ANKIB1: variants seen among roughly 807,000 people sequenced by gnomAD.
ANKIB1 encodes ankyrin repeat and IBR domain containing 1.
ANKIB1 carries 43 observed loss-of-function variants against 122.1 expected under a neutral mutation model. That is an observed-to-expected ratio of 0.35 (90% CI 0.28 to 0.45). ANKIB1 has a LOEUF of 0.45. Ranked by LOEUF, ANKIB1 falls within the 20% of genes least tolerant of loss-of-function variation. The pLI is 1.00. For synonymous variants in ANKIB1, 390 were observed against 442.0 expected, an observed-to-expected ratio of 0.88 and a Z score of 1.48; for missense variants, 992 against 1,329.5, an observed-to-expected ratio of 0.75 and a Z score of 3.95.
rs770526763 is a variant in ANKIB1, at chr7:92,319,283, C to T, written c.487-47C>T. The stretch of plus-strand genomic sequence containing the variant: ...ATGTTTTAAAAATAGCATGAAATAA[C>T]TTATTTGAACCTGTAGTTGCAAGTT... On this transcript the variant is annotated intron_variant, in intron 3 of 19. Transcript: ENST00000265742. 56 of 1,188,434 alleles carry T rather than the reference C, an allele frequency of 4.7e-5. No homozygotes were observed. The South Asian group carries it at 8.0e-4, about 17-fold the overall frequency. 73.6% of individuals were successfully genotyped at this position (1,188,434 alleles called of 1,614,324 possible).
chr7:92,253,119 G>A (rs1274599254), intron 1 of ANKIB1, among the ~76,000 whole-genome samples: 1 of 152,178 alleles, frequency 6.6e-6, no homozygotes, highest in African/African-American at 2.4e-5. Flanking sequence ...ACATATTACA[G>A]AATCATAAAG....
chr7:92,287,896 C>T (rs546089363), intron 1 of ANKIB1, among the ~76,000 whole-genome samples: 78 of 151,992 alleles, frequency 5.1e-4, no homozygotes, highest in Non-Finnish European at 8.4e-4. Context: ...ATTAGCCAGG[C>T]ATGGCGGCGT....
intron 17 of ANKIB1, among the ~76,000 whole-genome samples, chr7:92,393,203 TC>T (rs1420944654): frequency 6.6e-6 from 1 of 152,114 alleles, no homozygotes; most frequent in Non-Finnish European, 1.5e-5. Flanking sequence ...TCAGATACTT[TC>T]TCTTTTCAGC....
rs1340410534 is a variant in ANKIB1 at position 92,301,892 on chromosome 7, T to C, written c.189-5467T>C. Among the ~76,000 whole-genome samples, 4 of 152,166 alleles carry C rather than the reference T, an allele frequency of 2.6e-5. No individual in the cohort carries two copies. The East Asian group carries it at 7.7e-4, about 29-fold the overall frequency. On this transcript the variant is annotated intron_variant, in intron 2 of 19. Coordinates refer to ENST00000265742, the MANE Select transcript of ANKIB1 (RefSeq NM_019004.2). ...CTGCCTCATATAATCTGGGATGCCT[T>C]TCTGAGACTTCATTGTAGACTGTAG... is the stretch of plus-strand genomic sequence containing the variant.
rs574308134 is a variant in ANKIB1 at position 92,248,571 on chromosome 7, G to C, written c.-91+2052G>C. Among the ~76,000 whole-genome samples the C allele has an allele frequency of 3.9e-5, 6 of 152,310 alleles. No individual in the cohort carries two copies. The South Asian group carries it at 1.2e-3, about 32-fold the overall frequency. The stretch of plus-strand genomic sequence containing the variant: ...ATGTCCTTGAAATGAAGTTGGAAAA[G>C]ATTCCTCAGTGCTTTGGGTAATTTT... On this transcript the variant is annotated intron_variant, in intron 1 of 19. Coordinates refer to ENST00000265742, the MANE Select transcript of ANKIB1 (RefSeq NM_019004.2).
chr7:92,370,890 T>C (rs1031173014), intron 10 of ANKIB1, among the ~76,000 whole-genome samples: 1 of 152,182 alleles, frequency 6.6e-6, no homozygotes, highest in Non-Finnish European at 1.5e-5. Context: ...GACCCTAGCT[T>C]AAAGCAATAA....
intron 7 of ANKIB1, among the ~76,000 whole-genome samples, chr7:92,345,701 A>G (rs1430863637): frequency 6.6e-6 from 1 of 152,196 alleles, no homozygotes; most frequent in African/African-American, 2.4e-5. Flanking sequence ...CTGTAATGTC[A>G]TGTTATCTCT....
At chr7:92,285,161 G>A (rs1248921721) in intron 1 of ANKIB1, among the ~76,000 whole-genome samples, 3 of 152,090 alleles carry the variant, frequency 2.0e-5, no homozygotes, top group East Asian at 1.9e-4. Flanking sequence ...TCTGCCTTCC[G>A]GGTTCAAGCG....
At chr7:92,301,199 A>T (rs1052822665) in intron 2 of ANKIB1, among the ~76,000 whole-genome samples, 1 of 152,100 alleles carries the variant, frequency 6.6e-6, no homozygotes, top group African/African-American at 2.4e-5. Flanking sequence ...ATTTCCTTGG[A>T]TGTATACCCA....
chr7:92,264,255 T>A (rs993381222), intron 1 of ANKIB1, among the ~76,000 whole-genome samples: 1 of 151,780 alleles, frequency 6.6e-6, no homozygotes, highest in Non-Finnish European at 1.5e-5. Context: ...GTTACATGTT[T>A]AAAAAAATAA....
chr7:92,270,256 T>G (rs1801759989), intron 1 of ANKIB1, among the ~76,000 whole-genome samples: 1 of 152,044 alleles, frequency 6.6e-6, no homozygotes, highest in South Asian at 2.1e-4. Flanking sequence ...AGAGACAGGA[T>G]CTTGCTATGC....
rs1340901503 is a variant in ANKIB1, at chr7:92,246,036, GC to G, written c.-573del. The G allele has an allele frequency of 3.7e-6, 1 of 266,750 alleles. No homozygotes were observed. The highest frequency in any genetic ancestry group is 7.3e-6 in the Non-Finnish European group (1 of 136,700). 16.5% of individuals were successfully genotyped at this position (266,750 alleles called of 1,614,324 possible). The stretch of plus-strand genomic sequence containing the variant: ...TCACTGGACCTGCAGTCTCTCAGGG[GC>G]TGGTGGCAGGCGACTAGGAGACTAG... On this transcript the variant is annotated 5_prime_UTR_variant, in exon 1 of 20. Transcript: ENST00000265742.
chr7:92,397,984 T>C (rs1804936227), intron 19 of ANKIB1, 125 bp downstream of exon 19: 1 of 1,353,782 alleles, frequency 7.4e-7, no homozygotes, highest in South Asian at 1.4e-5. Context: ...GTTTTAAAGA[T>C]GTGCTGCAGG....
intron 9 of ANKIB1, among the ~76,000 whole-genome samples, chr7:92,359,001 G>A (rs1287446450): frequency 6.6e-6 from 1 of 152,100 alleles, no homozygotes; most frequent in Non-Finnish European, 1.5e-5. Flanking sequence ...AAAATTAACA[G>A]TTATCACAGG....
chr7:92,288,476 A>C lies in ANKIB1; in HGVS notation c.-90-6413A>C, dbSNP rs575604693. Among the ~76,000 whole-genome samples the C allele has an allele frequency of 2.6e-5, 4 of 152,338 alleles. No individual in the cohort carries two copies. The South Asian group carries it at 6.2e-4, about 24-fold the overall frequency. ...AGAGAGACACACAGAAAAATAGAAC[A>C]CAGTCAATTGGCTTTTTACAAAGAT... On this transcript the variant is annotated intron_variant, in intron 1 of 19. Transcript: ENST00000265742.
intron 10 of ANKIB1, among the ~76,000 whole-genome samples, chr7:92,367,783 G>T (rs75670577): frequency 1.3e-5 from 2 of 152,250 alleles, no homozygotes; most frequent in East Asian, 1.9e-4. Flanking sequence ...ATGAAATGAT[G>T]GTTAATTTAT....
intron 9 of ANKIB1, among the ~76,000 whole-genome samples, chr7:92,360,288 T>C (rs1043455065): frequency 6.6e-6 from 1 of 152,222 alleles, no homozygotes; most frequent in African/African-American, 2.4e-5. Context: ...AATTTGCCTA[T>C]TCTAAATATT....
At position 92,397,709 on chromosome 7, in the gene ANKIB1, T is replaced by C. The variant is rs1286265459; in HGVS notation, c.2396-14T>C. ...GTCACTAAATTGTCTTTGGTACCAA[T>C]TGCTTTGAAACAGATATTCCAGAAG... is the stretch of plus-strand genomic sequence containing the variant. On this transcript the variant is annotated splice_polypyrimidine_tract_variant and intron_variant, in intron 18 of 19. Transcript: ENST00000265742. The C allele has an allele frequency of 1.2e-6, 2 of 1,608,998 alleles. No individual in the cohort carries two copies. Among genetic ancestry groups the C allele is most frequent in the African/African-American group, 2.7e-5 (2 of 74,548 alleles).
rs1262247901 is a variant in ANKIB1 at position 92,307,562 on chromosome 7, G to A, written c.392G>A (p.Gly131Asp). The A allele has an allele frequency of 6.2e-7, 1 of 1,613,582 alleles. No homozygotes were observed. Among genetic ancestry groups the A allele is most frequent in the Non-Finnish European group, 8.5e-7 (1 of 1,179,874 alleles). Reference sequence around the variant, plus strand: ...TGGAAAGGAGCAAAACTTGACCAGGGTGAATATGAGAGAGCAGCTATTGAT... The same window carrying A: ...TGGAAAGGAGCAAAACTTGACCAGGATGAATATGAGAGAGCAGCTATTGAT... ...LKWKGAKLDQ[G>D]EYERAAIDAV... Residue 131 changes from glycine (G) to aspartate (D), a missense_variant, in exon 3 of 20, where the codon GGT becomes GAT. Coordinates refer to ENST00000265742, the MANE Select transcript of ANKIB1 (RefSeq NM_019004.2).
Sources: allele counts gnomAD v4.1 joint callset (sites outside exome capture counted in the v4.1 genomes callset), GRCh38; gene constraint gnomAD v4.1.1; transcripts MANE v1.5; gene names NCBI Gene and HGNC (gene_info 2026-07-23, HGNC 2026-07-21).